The following AP3S2 variants were observed in gnomAD, a reference collection of about 807,000 sequenced individuals.
AP3S2 encodes the protein adaptor related protein complex 3 subunit sigma 2, also known as AP-3 complex subunit sigma-2.
Under a neutral mutation model 23.4 loss-of-function variants are expected in AP3S2, and 22 were observed. That is an observed-to-expected ratio of 0.94 (90% CI 0.67 to 1.34). AP3S2 has a LOEUF of 1.34. Among genes scored for constraint, AP3S2 ranks in the 40% most tolerant of loss-of-function variants. AP3S2 has a pLI of 0.00. For missense variants in AP3S2, 241 were observed against 236.9 expected, an observed-to-expected ratio of 1.02 and a Z score of -0.11; for synonymous variants, 86 against 87.1, an observed-to-expected ratio of 0.99 and a Z score of 0.07.
intron 3 of AP3S2, among the ~76,000 whole-genome samples, chr15:89,887,630 G>GA (rs975204622): frequency 6.6e-6 from 1 of 151,510 alleles, no homozygotes; most frequent in African/African-American, 2.4e-5. Flanking sequence ...CCAAAATGCT[G>GA]AGATTACAGG....
intron 1 of AP3S2, among the ~76,000 whole-genome samples, chr15:89,890,031 A>G (rs1166028980): frequency 6.6e-6 from 1 of 152,224 alleles, no homozygotes; most frequent in East Asian, 1.9e-4. Flanking sequence ...TAGATTACAG[A>G]TTAAAATTTT....
chr15:89,838,461 G>A (rs1322059984), intron 4 of AP3S2, among the ~76,000 whole-genome samples: 1 of 152,200 alleles, frequency 6.6e-6, no homozygotes, highest in African/African-American at 2.4e-5. Context: ...GAATCTCAGT[G>A]TACCTAACTG....
intron 3 of AP3S2, among the ~76,000 whole-genome samples, chr15:89,879,185 T>C (rs939865095): frequency 3.3e-5 from 5 of 152,240 alleles, no homozygotes; most frequent in Non-Finnish European, 5.9e-5. Flanking sequence ...AGTGTGAAAA[T>C]ATTCTTAATA....
chr15:89,871,464 A>G lies in AP3S2; in HGVS notation c.345+11T>C, dbSNP rs1257448413. On this transcript the variant is annotated intron_variant, in intron 4 of 5. Transcript: ENST00000336418. ...AACCCTAGTTTGGAAGAGAACTGCA[A>G]GAGAATATACCTTATCCATATGGAA... 6.2e-7 allele frequency: 1 copy of G among 1,607,976 alleles called. No homozygotes were observed.
chr15:89,847,555 G>A (rs550817925), intron 4 of AP3S2, among the ~76,000 whole-genome samples: 5 of 152,230 alleles, frequency 3.3e-5, no homozygotes, highest in African/African-American at 7.2e-5. Context: ...CCTCCGGAAG[G>A]ACAGAGGATT....
rs964778720 is a variant in AP3S2 at position 89,835,189 on chromosome 15, C to T, written c.*326G>A. On this transcript the variant is annotated 3_prime_UTR_variant, in exon 6 of 6. Transcript: ENST00000336418. ...GGGCCTGCTCAATGCAGTCCCTAACCCTTGGGAGCATCCATGTGAGAGGTA... is the reference window on the plus strand; with the variant it reads ...GGGCCTGCTCAATGCAGTCCCTAACTCTTGGGAGCATCCATGTGAGAGGTA... The T allele has an allele frequency of 2.3e-6, 1 of 436,904 alleles. No individual in the cohort carries two copies. The allele number at this position is 436,904 out of a possible 1,614,324, so 27.1% of individuals were successfully genotyped here. A position where few individuals can be genotyped will look rare whatever the true frequency, so the allele number is the denominator to read the frequency against.
intron 4 of AP3S2, among the ~76,000 whole-genome samples, chr15:89,847,040 G>A (rs1258356325): frequency 1.3e-5 from 2 of 151,928 alleles, no homozygotes; most frequent in Admixed American, 1.3e-4. Context: ...TCTATAACTG[G>A]ACCTACTTAC....
intron 4 of AP3S2, among the ~76,000 whole-genome samples, chr15:89,864,080 A>C (rs895462657): frequency 2.6e-5 from 4 of 152,252 alleles, no homozygotes; most frequent in African/African-American, 9.6e-5. Context: ...TTATTTCCTA[A>C]TACTGCATGA....
chr15:89,879,836 A>T (rs1435581341), intron 3 of AP3S2, among the ~76,000 whole-genome samples: 3 of 151,876 alleles, frequency 2.0e-5, no homozygotes, highest in African/African-American at 7.3e-5. Context: ...TTGAACTCCT[A>T]ACCTCAAAGT....
intron 4 of AP3S2, among the ~76,000 whole-genome samples, chr15:89,858,453 GAAAAAGAA>G (rs1484739148): frequency 4.4e-5 from 5 of 114,816 alleles, no homozygotes; most frequent in African/African-American, 1.7e-4. Flanking sequence ...AAAAAAGAAA[GAAAAAGAA>G]AGAAAGAAAG....
intron 3 of AP3S2, 119 bp from the exon 4 acceptor site, chr15:89,871,665 C>A: frequency 9.4e-7 from 1 of 1,060,808 alleles, no homozygotes; most frequent in Non-Finnish European, 1.3e-6. Flanking sequence ...TGATAAATCT[C>A]AAAAATTAAA....
At chr15:89,866,538 T>G (rs1357500287) in intron 4 of AP3S2, among the ~76,000 whole-genome samples, 2 of 150,894 alleles carry the variant, frequency 1.3e-5, no homozygotes, top group African/African-American at 4.9e-5. Context: ...CAGGCTGAAG[T>G]GCAATGGCAT....
At chr15:89,875,004 A>T (rs34956062) in intron 3 of AP3S2, among the ~76,000 whole-genome samples, 35,645 of 152,188 alleles carry the variant, frequency 0.23, 4,684 homozygotes, top group South Asian at 0.31. Context: ...AGACATAAAA[A>T]TATCTAACAG....
chr15:89,855,494 C>G (rs1406614899), intron 4 of AP3S2, among the ~76,000 whole-genome samples: 7 of 130,938 alleles, frequency 5.3e-5, no homozygotes. Context: ...CCAAATCCCC[C>G]TCTGTGAGAA....
At position 89,874,371 on chromosome 15, in the gene AP3S2, G is replaced by A. The variant is rs543407582; in HGVS notation, c.274-2825C>T. On this transcript the variant is annotated intron_variant, in intron 3 of 5. Transcript: ENST00000336418. The stretch of plus-strand genomic sequence containing the variant: ...AGCGAAATCTGTCTCACGTGTCCAT[G>A]TGAAGAGACCACCAAACAGGCTTTG... 3.5e-4 allele frequency among the ~76,000 whole-genome samples: 54 copies of A among 152,286 alleles called. 1 individual carries two copies. The South Asian group carries it at 0.011, about 31-fold the overall frequency.
chr15:89,863,472 A>G (rs1180286226), intron 4 of AP3S2, among the ~76,000 whole-genome samples: 20 of 152,168 alleles, frequency 1.3e-4, no homozygotes, highest in African/African-American at 4.6e-4. Flanking sequence ...TGTGTCGGGG[A>G]GAGACAGAAA....
chr15:89,886,961 A>C (rs538686435), intron 3 of AP3S2, among the ~76,000 whole-genome samples: 37 of 152,000 alleles, frequency 2.4e-4, no homozygotes, highest in Non-Finnish European at 4.7e-4. Flanking sequence ...GGCCCAGCTA[A>C]TTTTTTGTAT....
At chr15:89,838,562 C>A (rs1024957547) in intron 4 of AP3S2, among the ~76,000 whole-genome samples, 9 of 152,122 alleles carry the variant, frequency 5.9e-5, no homozygotes, top group African/African-American at 1.7e-4. Flanking sequence ...AGCAGAGATG[C>A]CCACTGTGGT....
chr15:89,873,286 C>T (rs111251137), intron 3 of AP3S2, among the ~76,000 whole-genome samples: 55 of 134,550 alleles, frequency 4.1e-4, no homozygotes, highest in Non-Finnish European at 6.2e-4. Flanking sequence ...TGTCTGTCTT[C>T]TTTTTTTTTT....
Sources: allele counts gnomAD v4.1 joint callset (sites outside exome capture counted in the v4.1 genomes callset), GRCh38; gene constraint gnomAD v4.1.1; transcripts MANE v1.5; gene names NCBI Gene and HGNC (gene_info 2026-07-23, HGNC 2026-07-21).